Variants in SNAP25 observed in about 807,000 individuals in gnomAD.
SNAP25 encodes synaptosomal-associated protein 25.
A neutral mutation model predicts 28.7 loss-of-function variants in SNAP25; 3 were observed. The ratio of observed to expected loss-of-function variants is 0.10; its 90% CI spans 0.05 to 0.27. The LOEUF is 0.27. Among genes scored for constraint, SNAP25 ranks in the 10% least tolerant of loss-of-function variants. The pLI is 1.00. For missense variants in SNAP25, 117 were observed against 278.7 expected (o/e 0.42, Z 4.13); for synonymous variants, 61 against 88.1 (o/e 0.69, Z 1.72).
intron 1 of SNAP25, among the ~76,000 whole-genome samples, chr20:10,253,542 A>G (rs2063266941): frequency 6.6e-6 from 1 of 152,170 alleles, no homozygotes; most frequent in South Asian, 2.1e-4. Context: ...CAGGATCTAT[A>G]CAGTGCTGGG....
At chr20:10,268,886 A>G (rs362571) in intron 1 of SNAP25, among the ~76,000 whole-genome samples, 77,159 of 151,830 alleles carry the variant, frequency 0.51, 19,966 homozygotes, top group African/African-American at 0.59. Flanking sequence ...GATGCTAAAC[A>G]TCTGTCTCAG....
Position 10,232,615 on chromosome 20 carries a change from C to T in SNAP25, c.-64+13638C>T, listed in dbSNP as rs137948399. On this transcript the variant is annotated intron_variant, in intron 1 of 7. Coordinates refer to ENST00000254976, the MANE Select transcript of SNAP25 (RefSeq NM_130811.4). ...TATTCCCTCCACGTTACAATTCATT[C>T]GCCAAATATAGATTGTGCCTCCACC... Among the ~76,000 whole-genome samples, 1,111 of 152,304 alleles carry T rather than the reference C, an allele frequency of 7.3e-3. 8 individuals carry two copies. The highest frequency in any genetic ancestry group is 0.015 in the South Asian group (73 of 4,830).
chr20:10,252,929 G>A (rs1265747727), intron 1 of SNAP25, among the ~76,000 whole-genome samples: 3 of 151,632 alleles, frequency 2.0e-5, no homozygotes, highest in Non-Finnish European at 2.9e-5. Context: ...AAAAAAAAAA[G>A]GGAGATAATA....
intron 3 of SNAP25, among the ~76,000 whole-genome samples, chr20:10,283,806 T>G (rs541671809): frequency 1.3e-5 from 2 of 152,240 alleles, no homozygotes; most frequent in African/African-American, 2.4e-5. Context: ...GCAATGCCAT[T>G]TTATACCCAT....
intron 1 of SNAP25, among the ~76,000 whole-genome samples, chr20:10,273,932 G>A (rs1170275678): frequency 6.6e-6 from 1 of 152,082 alleles, no homozygotes; most frequent in Non-Finnish European, 1.5e-5. Context: ...AGAAAGGCCT[G>A]TTGCAAACCC....
Position 10,306,394 on chromosome 20 carries a change from A to T in SNAP25, c.*197A>T, listed in dbSNP as rs922248639. ...TTCTCTCTTGGTCTCTTTCTTTCCA[A>T]AGGTTGTACATAGTGGTCATTTGGT... is the stretch of plus-strand genomic sequence containing the variant. On this transcript the variant is annotated 3_prime_UTR_variant, in exon 8 of 8. Transcript: ENST00000254976. 30 of 511,090 alleles carry T rather than the reference A, an allele frequency of 5.9e-5. No homozygotes were observed. The highest frequency in any genetic ancestry group is 8.5e-5 in the Non-Finnish European group (24 of 283,092). 31.7% of individuals were successfully genotyped at this position (511,090 alleles called of 1,614,324 possible). A position where few individuals can be genotyped will look rare whatever the true frequency, so the allele number is the denominator to read the frequency against.
chr20:10,260,971 T>A (rs1252419045), intron 1 of SNAP25, among the ~76,000 whole-genome samples: 5 of 152,176 alleles, frequency 3.3e-5, no homozygotes, highest in African/African-American at 1.2e-4. Flanking sequence ...ATCCTAGAAG[T>A]CTGTATCTCT....
At chr20:10,250,506 A>G (rs1432015614) in intron 1 of SNAP25, among the ~76,000 whole-genome samples, 1 of 152,230 alleles carries the variant, frequency 6.6e-6, no homozygotes, top group Non-Finnish European at 1.5e-5. Flanking sequence ...AAGAAACCTT[A>G]AAGTATTTAT....
intron 1 of SNAP25, among the ~76,000 whole-genome samples, chr20:10,235,330 C>A (rs183524503): frequency 9.9e-5 from 15 of 152,152 alleles, no homozygotes; most frequent in African/African-American, 3.4e-4. Context: ...TTAGAAAAAC[C>A]ACATTTGTGG....
chr20:10,289,252 C>T (rs2063946815), intron 4 of SNAP25, among the ~76,000 whole-genome samples: 1 of 152,116 alleles, frequency 6.6e-6, no homozygotes, highest in Non-Finnish European at 1.5e-5. Context: ...AACTTTCATT[C>T]CTCTAGAAAA....
At chr20:10,288,063 G>C (rs2063920035) in intron 4 of SNAP25, among the ~76,000 whole-genome samples, 1 of 152,010 alleles carries the variant, frequency 6.6e-6, no homozygotes, top group Admixed American at 6.6e-5. Flanking sequence ...AATGCTAAAT[G>C]ATGAGTTAAT....
intron 1 of SNAP25, among the ~76,000 whole-genome samples, chr20:10,244,259 C>T (rs1307681096): frequency 6.6e-6 from 1 of 152,070 alleles, no homozygotes; most frequent in African/African-American, 2.4e-5. Flanking sequence ...TCTAGGGCCA[C>T]AATAATGCAC....
intron 1 of SNAP25, among the ~76,000 whole-genome samples, chr20:10,264,284 C>CGGA (rs2063469222): frequency 6.6e-6 from 1 of 152,098 alleles, no homozygotes; most frequent in Non-Finnish European, 1.5e-5. Flanking sequence ...CAGAAGAAAC[C>CGGA]AGATCAAGAC....
chr20:10,270,934 A>G (rs1278607742), intron 1 of SNAP25, among the ~76,000 whole-genome samples: 2 of 152,216 alleles, frequency 1.3e-5, no homozygotes, highest in African/African-American at 2.4e-5. Context: ...GTTAACATGA[A>G]TTGAACCCTT....
intron 2 of SNAP25, among the ~76,000 whole-genome samples, chr20:10,277,389 A>G (rs1296498452): frequency 6.6e-6 from 1 of 152,256 alleles, no homozygotes; most frequent in Non-Finnish European, 1.5e-5. Flanking sequence ...CATTCTGAGC[A>G]TGCAAAATTA....
intron 1 of SNAP25, among the ~76,000 whole-genome samples, chr20:10,264,894 G>A (rs939598991): frequency 6.7e-6 from 1 of 149,796 alleles, no homozygotes; most frequent in Non-Finnish European, 1.5e-5. Flanking sequence ...AAAAGATTTT[G>A]ATGCAAGGAG....
At chr20:10,222,990 G>T (rs191540143) in intron 1 of SNAP25, among the ~76,000 whole-genome samples, 1 of 152,250 alleles carries the variant, frequency 6.6e-6, no homozygotes, top group Non-Finnish European at 1.5e-5. Context: ...AATAAACATG[G>T]TGCTGAACAC....
intron 1 of SNAP25, among the ~76,000 whole-genome samples, chr20:10,220,149 C>T (rs1298710335): frequency 2.0e-5 from 3 of 152,146 alleles, no homozygotes; most frequent in Admixed American, 1.3e-4. Flanking sequence ...ACATCTCTCT[C>T]TATGTTTCCA....
chr20:10,271,652 C>T (rs1032282089), intron 1 of SNAP25, among the ~76,000 whole-genome samples: 9 of 152,194 alleles, frequency 5.9e-5, no homozygotes, highest in African/African-American at 2.2e-4. Flanking sequence ...AGCTGTTCTT[C>T]ACATGCTGAG....
Sources: gnomAD v4.1 joint callset for allele counts (sites outside exome capture counted in the v4.1 genomes callset) on GRCh38, gnomAD v4.1.1 for gene constraint, MANE v1.5 for transcripts, NCBI Gene and HGNC (gene_info 2026-07-23, HGNC 2026-07-21) for gene names.